The following IRF8 variants were observed in gnomAD, a reference collection of about 807,000 sequenced individuals.
IRF8 encodes the protein interferon regulatory factor 8.
In IRF8, 14 loss-of-function variants were observed where a neutral mutation model predicts 48.7. The observed-to-expected ratio is 0.29, with a 90% confidence interval of 0.19 to 0.45. The LOEUF (loss-of-function observed/expected upper bound fraction) is 0.45. Ranked by LOEUF, IRF8 falls within the 20% of genes least tolerant of loss-of-function variation. The pLI, the probability that IRF8 is intolerant of heterozygous loss-of-function variation, is 1.00. For synonymous variants in IRF8, 278 were observed against 227.3 expected (o/e 1.22, Z -2.01); for missense variants, 493 against 580.7 (o/e 0.85, Z 1.55).
chr16:85,901,443 A>G (rs1194439994), intron 1 of IRF8, among the ~76,000 whole-genome samples: 1 of 152,130 alleles, frequency 6.6e-6, no homozygotes, highest in East Asian at 1.9e-4. Context: ...ACTGGGCAAC[A>G]TAGCGAGATC....
chr16:85,903,362 T>C (rs2152098784), intron 2 of IRF8, 173 bp downstream of exon 2: 1 of 641,478 alleles, frequency 1.6e-6, no homozygotes, highest in African/African-American at 1.8e-5. Flanking sequence ...CATGAGCTGA[T>C]TTCACATCTT....
chr16:85,909,776 C>G (rs529127550), intron 3 of IRF8: 1 of 157,894 alleles, frequency 6.3e-6, no homozygotes, highest in Admixed American at 6.1e-5. Flanking sequence ...TAAAATAAAT[C>G]CCAAAGTACT....
chr16:85,899,546 CT>C (rs2152097319), intron 1 of IRF8, among the ~76,000 whole-genome samples: 1 of 152,300 alleles, frequency 6.6e-6, no homozygotes, highest in South Asian at 2.1e-4. Context: ...TAGCAACCCC[CT>C]ATCTTGAAAC....
At position 85,903,200 on chromosome 16, in the gene IRF8, C is replaced by T. The variant is rs764014623; in HGVS notation, c.174+11C>T. On this transcript the variant is annotated intron_variant, in intron 2 of 8. Transcript: ENST00000268638. ...GCCTCCATTTTTAAGGTAAAGAGCCCAGCTCCCTTCCCCACTGTGGGCACA... is the reference window on the plus strand; with the variant it reads ...GCCTCCATTTTTAAGGTAAAGAGCCTAGCTCCCTTCCCCACTGTGGGCACA... The T allele has an allele frequency of 6.2e-7, 1 of 1,610,982 alleles. No homozygotes were observed. The highest frequency in any genetic ancestry group is 8.5e-7 in the Non-Finnish European group (1 of 1,178,250).
intron 6 of IRF8, among the ~76,000 whole-genome samples, chr16:85,917,052 C>G (rs891149506): frequency 1.3e-5 from 2 of 152,152 alleles, no homozygotes; most frequent in African/African-American, 2.4e-5. Context: ...GGTGGGTTGT[C>G]AAATAATAAG....
In IRF8 at chr16:85,911,083, G is replaced by A. The variant is rs190211050; in HGVS notation, c.359-487G>A. Among the ~76,000 whole-genome samples, 32 of 152,274 alleles carry A rather than the reference G, an allele frequency of 2.1e-4. 1 individual carries two copies. Among genetic ancestry groups the A allele is most frequent in the Admixed American group, 1.4e-3 (22 of 15,302 alleles). On this transcript the variant is annotated intron_variant, in intron 3 of 8. Transcript: ENST00000268638. Reference sequence around the variant, plus strand: ...GTGCTGCGGTGTGTGTGTGTGCATGGCTGTGTGCACTGATGCACATGTGTA... The same window carrying A: ...GTGCTGCGGTGTGTGTGTGTGCATGACTGTGTGCACTGATGCACATGTGTA...
At chr16:85,902,993 C>T (rs199548005) in intron 1 of IRF8, 22 bp from the exon 2 acceptor site, 112 of 1,613,490 alleles carry the variant, frequency 6.9e-5, no homozygotes, top group Middle Eastern at 1.7e-4. Context: ...AATATCACAG[C>T]GTGTATTTCT....
intron 5 of IRF8, among the ~76,000 whole-genome samples, chr16:85,913,710 T>C (rs1198571350): frequency 1.3e-5 from 2 of 152,244 alleles, no homozygotes; most frequent in Non-Finnish European, 2.9e-5. Context: ...AGGAAGTTTG[T>C]TCAGAGCCCT....
chr16:85,903,427 G>A (rs11862450), intron 2 of IRF8: 1 of 532,304 alleles, frequency 1.9e-6, no homozygotes, highest in Non-Finnish European at 3.4e-6. Flanking sequence ...GAGATCGAAG[G>A]CTCTTTTCTT....
At chr16:85,902,861 A>C (rs1469067959) in intron 1 of IRF8, 154 bp from the exon 2 acceptor site, 5 of 786,364 alleles carry the variant, frequency 6.4e-6, no homozygotes, top group African/African-American at 1.7e-5. Flanking sequence ...TTGCCTTCTC[A>C]TGGCAGGTGT....
Position 85,918,426 on chromosome 16 carries a change from A to C in IRF8, c.611A>C (p.Gln204Pro). 1 of 1,595,298 alleles carries C rather than the reference A, an allele frequency of 6.3e-7. No homozygotes were observed. The highest frequency in any genetic ancestry group is 8.5e-7 in the Non-Finnish European group (1 of 1,178,386). Reference protein sequence around the residue: ...TYDAHHSAFSQMVISFYYGGK... With the variant: ...TYDAHHSAFSPMVISFYYGGK... ...TCCCTCTTGTCCACAGCATTCTCCC[A>C]GATGGTGATCAGCTTCTACTATGGG... Residue 204 changes from glutamine (Q) to proline (P), a missense_variant, in exon 7 of 9, where the codon CAG becomes CCG. Coordinates refer to ENST00000268638, the MANE Select transcript of IRF8 (RefSeq NM_002163.4).
intron 6 of IRF8, among the ~76,000 whole-genome samples, chr16:85,916,783 G>A (rs530056448): frequency 1.1e-4 from 17 of 152,338 alleles, no homozygotes; most frequent in African/African-American, 3.6e-4. Context: ...TGTGGAGTCC[G>A]CAGGCAGTGC....
intron 2 of IRF8, among the ~76,000 whole-genome samples, chr16:85,905,150 A>C (rs1904957683): frequency 6.6e-6 from 1 of 152,154 alleles, no homozygotes; most frequent in South Asian, 2.1e-4. Flanking sequence ...CTCCCCATTA[A>C]GAACCCTGAT....
rs761647639 is a variant in IRF8, at chr16:85,909,032, G to A, written c.217G>A (p.Ala73Thr). 1 of 1,614,166 alleles carries A rather than the reference G, an allele frequency of 6.2e-7. No homozygotes were observed. Among genetic ancestry groups the A allele is most frequent in the African/African-American group, 1.3e-5 (1 of 75,054 alleles). The change falls in exon 3 of 9, where the codon GCT (alanine) becomes ACT (threonine). Residue 73 changes from alanine (A) to threonine (T), a missense_variant. Physicochemically the swap from Ala to Thr is moderately conservative, Grantham distance 58. Around this residue, in one of 3 missense-constraint regions of IRF8, gnomAD observed 31 missense variants for 71.2 expected, o/e 0.44. Transcript: ENST00000268638. The part of the protein sequence containing the change: ...FKGKFKEGDK[A>T]EPATWKTRLR... ...AGGGAAGTTTAAAGAAGGGGACAAA[G>A]CTGAACCAGCCACTTGGAAGACGAG...
chr16:85,917,190 G>A (rs930209468), intron 6 of IRF8, among the ~76,000 whole-genome samples: 14 of 152,210 alleles, frequency 9.2e-5, no homozygotes, highest in African/African-American at 3.1e-4. Context: ...GGGGCGCCGT[G>A]GAGTTAGGCA....
chr16:85,906,840 G>C (rs1306952891), intron 2 of IRF8, among the ~76,000 whole-genome samples: 1 of 152,098 alleles, frequency 6.6e-6, no homozygotes, highest in Non-Finnish European at 1.5e-5. Flanking sequence ...CATCTGGTGG[G>C]TCAAGGCTAG....
Position 85,918,778 on chromosome 16 carries a change from C to T in IRF8, c.963C>T (p.Val321=), listed in dbSNP as rs757883676. The T allele has an allele frequency of 1.2e-6, 2 of 1,610,524 alleles. No individual in the cohort carries two copies. Among genetic ancestry groups the T allele is most frequent in the East Asian group, 4.5e-5 (2 of 44,886 alleles). The change falls in exon 7 of 9, where the codon GTC becomes GTT. Residue 321 remains valine, a synonymous_variant. Transcript: ENST00000268638. ...NKLERDEVVQ[V]FDTSQFFREL... ...TGGAGCGTGATGAGGTGGTCCAGGT[C>T]TTCGACACCAGCCAGTTCTTCCGAG...
chr16:85,905,890 C>T (rs1904985531), intron 2 of IRF8, among the ~76,000 whole-genome samples: 1 of 152,234 alleles, frequency 6.6e-6, no homozygotes, highest in Non-Finnish European at 1.5e-5. Context: ...GAAAATCCCT[C>T]ATTGTCTGCA....
chr16:85,899,965 C>CA lies in IRF8; in HGVS notation c.-2+744dup, dbSNP rs1208461792. 2.0e-5 allele frequency among the ~76,000 whole-genome samples: 3 copies of CA among 152,284 alleles called. No individual in the cohort carries two copies. In the South Asian group the frequency reaches 6.2e-4, roughly 32 times the overall value. ...TTTCCAGAATTTTAAGAAGTCTCCC[C>CA]AACCAATGGCCCCCCACTTTCTTTT... On this transcript the variant is annotated intron_variant, in intron 1 of 8. Transcript: ENST00000268638.
Sources: allele counts gnomAD v4.1 joint callset (sites outside exome capture counted in the v4.1 genomes callset), GRCh38; gene constraint gnomAD v4.1.1; regional missense constraint gnomAD v4.1.1; transcripts MANE v1.5; gene names NCBI Gene and HGNC (gene_info 2026-07-23, HGNC 2026-07-21).